The following RIMS2 variants were observed in gnomAD, a reference collection of about 807,000 sequenced individuals.
The protein encoded by RIMS2 is regulating synaptic membrane exocytosis 2, also known as regulating synaptic membrane exocytosis protein 2.
RIMS2 carries 59 observed loss-of-function variants against 174.4 expected under a neutral mutation model. The observed-to-expected ratio is 0.34, with a 90% CI of 0.27 to 0.42. The LOEUF (loss-of-function observed/expected upper bound fraction) is 0.42, where lower values mean the gene tolerates loss of function less well. RIMS2 is among the 10% of genes least tolerant of loss of function. RIMS2 has a pLI of 1.00. For missense variants in RIMS2, 1,620 were observed against 1,666.3 expected, an observed-to-expected ratio of 0.97 and a Z score of 0.48; for synonymous variants, 606 against 572.5, an observed-to-expected ratio of 1.06 and a Z score of -0.84.
At chr8:103,799,357 T>A (rs1031014303) in intron 3 of RIMS2, among the ~76,000 whole-genome samples, 1 of 152,204 alleles carries the variant, frequency 6.6e-6, no homozygotes, top group Admixed American at 6.5e-5. Flanking sequence ...CTATATTTTA[T>A]TTGACATCCC....
At chr8:104,000,608 A>G (rs765463016) in intron 17 of RIMS2, among the ~76,000 whole-genome samples, 3 of 151,786 alleles carry the variant, frequency 2.0e-5, no homozygotes. Context: ...TGATAGTTCC[A>G]TGTTTAGATT....
At chr8:103,880,402 T>A in intron 3 of RIMS2, 1 of 299,216 alleles carries the variant, frequency 3.3e-6, no homozygotes, top group Non-Finnish European at 6.1e-6. Context: ...TACAGCCACA[T>A]AGTAACAGCA....
chr8:103,796,756 C>G (rs1462708173), intron 3 of RIMS2, among the ~76,000 whole-genome samples: 2 of 152,126 alleles, frequency 1.3e-5, no homozygotes, highest in African/African-American at 4.8e-5. Context: ...GACAAAACTA[C>G]TTTTTAGTTG....
At chr8:103,853,927 G>A (rs114384951) in intron 3 of RIMS2, among the ~76,000 whole-genome samples, 3,958 of 152,068 alleles carry the variant, frequency 0.026, 102 homozygotes, top group African/African-American at 0.065. Flanking sequence ...TGTGAAGAAT[G>A]ACATTGGTAG....
exon 4 of RIMS2, chr8:103,885,433 T>A (rs76903489): frequency 0.019 from 30,972 of 1,612,448 alleles, 350 homozygotes; most frequent in Non-Finnish European, 0.023. Context: ...ATAGGCGATC[T>A]CAACATGAAC....
At chr8:103,581,498 A>G (rs916099220) in intron 1 of RIMS2, among the ~76,000 whole-genome samples, 1 of 152,058 alleles carries the variant, frequency 6.6e-6, no homozygotes, top group Non-Finnish European at 1.5e-5. Context: ...GCCATATGTG[A>G]AAATCCCCCA....
At chr8:103,885,958 A>G (rs1024952884) in exon 4 of RIMS2, 1 of 1,613,154 alleles carries the variant, frequency 6.2e-7, no homozygotes, top group Non-Finnish European at 8.5e-7. Flanking sequence ...GTACTGACTC[A>G]CTACGGAAAC....
At chr8:103,506,232 T>G (rs1313820938) in intron 1 of RIMS2, among the ~76,000 whole-genome samples, 1 of 152,098 alleles carries the variant, frequency 6.6e-6, no homozygotes, top group Non-Finnish European at 1.5e-5. Context: ...TTATATTTTA[T>G]GAAAGAGTAC....
chr8:103,913,792 A>G (rs532054535), intron 6 of RIMS2, among the ~76,000 whole-genome samples: 1 of 152,208 alleles, frequency 6.6e-6, no homozygotes, highest in African/African-American at 2.4e-5. Context: ...GGTTTAAATG[A>G]CCAGATCTTG....
At chr8:104,136,571 T>C (rs1250262334) in intron 19 of RIMS2, among the ~76,000 whole-genome samples, 1 of 152,120 alleles carries the variant, frequency 6.6e-6, no homozygotes, top group Non-Finnish European at 1.5e-5. Flanking sequence ...TGATAGACTG[T>C]ATAAAGAAAA....
At chr8:103,975,550 TCA>T (rs1208374669) in intron 16 of RIMS2, 44 bp downstream of exon 18, 1 of 1,448,274 alleles carries the variant, frequency 6.9e-7, no homozygotes, top group South Asian at 1.2e-5. Flanking sequence ...GCTGTATTAG[TCA>T]GTGTTCTCCA....
At chr8:103,617,616 G>A (rs114191557) in intron 1 of RIMS2, among the ~76,000 whole-genome samples, 18,897 of 152,024 alleles carry the variant, frequency 0.12, 1,274 homozygotes, top group Middle Eastern at 0.22. Context: ...TGCATCTGAC[G>A]AAGTCTAATA....
intron 19 of RIMS2, among the ~76,000 whole-genome samples, chr8:104,160,563 G>T (rs757443271): frequency 1.1e-4 from 16 of 152,158 alleles, no homozygotes. Context: ...TATATCTACA[G>T]CTACAAATGC....
intron 19 of RIMS2, among the ~76,000 whole-genome samples, chr8:104,117,319 C>T (rs1217191078): frequency 6.6e-6 from 1 of 151,922 alleles, no homozygotes; most frequent in Non-Finnish European, 1.5e-5. Context: ...AATGTATTCA[C>T]ACAGGACTAT....
At chr8:104,017,425 G>A (rs2095947704) in intron 19 of RIMS2, among the ~76,000 whole-genome samples, 1 of 151,484 alleles carries the variant, frequency 6.6e-6, no homozygotes, top group Non-Finnish European at 1.5e-5. Context: ...TATATATTTA[G>A]CCATTTATCT....
chr8:104,073,051 T>G, intron 19 of RIMS2, among the ~76,000 whole-genome samples: 1 of 152,176 alleles, frequency 6.6e-6, no homozygotes, highest in East Asian at 1.9e-4. Context: ...AATTTAAGGA[T>G]CAACGTATTT....
rs1359296175 is a variant in RIMS2, at chr8:103,666,012, A to G, written c.177-31074A>G. Among the ~76,000 whole-genome samples, 3 of 152,196 alleles carry G rather than the reference A, an allele frequency of 2.0e-5. No individual in the cohort carries two copies. In the East Asian group the frequency reaches 5.8e-4, roughly 29 times the overall value. On this transcript the variant is annotated intron_variant, in intron 1 of 23. Transcript: ENST00000504942. ...GTTGACTTGTTAGAAGAAAAACTTC[A>G]GACAAATTAAATTTAACAGAGTTTA... is the stretch of plus-strand genomic sequence containing the variant.
chr8:103,761,370 A>C (rs1227878123), intron 2 of RIMS2, among the ~76,000 whole-genome samples: 4 of 152,274 alleles, frequency 2.6e-5, no homozygotes, highest in Non-Finnish European at 5.9e-5. Context: ...TATAGAAGGT[A>C]AACTCAAAAA....
At chr8:103,604,715 A>T (rs966696499) in intron 1 of RIMS2, among the ~76,000 whole-genome samples, 1 of 135,958 alleles carries the variant, frequency 7.4e-6, no homozygotes, top group Non-Finnish European at 1.6e-5. Flanking sequence ...GGTCCTTCAC[A>T]TCCCTTGTAA....
Sources: allele counts gnomAD v4.1 joint callset (sites outside exome capture counted in the v4.1 genomes callset), GRCh38; gene constraint gnomAD v4.1.1; transcripts MANE v1.5; gene names NCBI Gene and HGNC (gene_info 2026-07-23, HGNC 2026-07-21).